Variants in CYP2C8 observed in about 807,000 individuals in gnomAD.
CYP2C8 encodes the protein cytochrome P450 family 2 subfamily C member 8.
In CYP2C8, 51 loss-of-function variants were observed where a neutral mutation model predicts 41.3. The ratio of observed to expected loss-of-function variants is 1.24; its 90% confidence interval spans 0.99 to 1.56. The LOEUF (loss-of-function observed/expected upper bound fraction) is 1.56, where lower values mean the gene tolerates loss of function less well. CYP2C8 is among the 40% of genes most tolerant of loss of function. The pLI is 0.00. For synonymous variants in CYP2C8, 218 were observed against 205.8 expected, an observed-to-expected ratio of 1.06 and a Z score of -0.51; for missense variants, 651 against 579.9, an observed-to-expected ratio of 1.12 and a Z score of -1.26.
chr10:95,058,610 A>G, intron 4 of CYP2C8, 99 bp from the exon 5 acceptor site: 1 of 1,079,830 alleles, frequency 9.3e-7, no homozygotes, highest in Non-Finnish European at 1.3e-6. Context: ...TGAATAAGAC[A>G]TCATGTCCAT....
chr10:95,057,451 C>G (rs2134427203), intron 5 of CYP2C8, among the ~76,000 whole-genome samples: 1 of 152,140 alleles, frequency 6.6e-6, no homozygotes, highest in Non-Finnish European at 1.5e-5. Context: ...CAGAAATTGA[C>G]AAGTTTATTC....
rs752350945 is a variant in CYP2C8 at position 95,067,669 on chromosome 10, A to C, written c.191T>G (p.Val64Gly). 6.2e-7 allele frequency: 1 copy of C among 1,614,184 alleles called. No individual in the cohort carries two copies. The highest frequency in any genetic ancestry group is 8.5e-7 in the Non-Finnish European group (1 of 1,180,040). ...ATTCATGCCAAAATACACGGTGAACACAGGACCATAGACTTTTGAGAACTG... is the reference window on the plus strand; with the variant it reads ...ATTCATGCCAAAATACACGGTGAACCCAGGACCATAGACTTTTGAGAACTG... Reference protein sequence around the residue: ...FTNFSKVYGPVFTVYFGMNPI... With the variant: ...FTNFSKVYGPGFTVYFGMNPI... The change falls in exon 2 of 9, where the codon GTG becomes GGG. Residue 64 changes from valine to glycine, a missense_variant. Coordinates refer to ENST00000371270, the MANE Select transcript of CYP2C8 (RefSeq NM_000770.3).
intron 3 of CYP2C8, among the ~76,000 whole-genome samples, chr10:95,066,147 A>AGTGTGT (rs1159713137): frequency 6.1e-5 from 7 of 114,264 alleles, no homozygotes; most frequent in African/African-American, 2.6e-4. Flanking sequence ...AGAGAGAGAG[A>AGTGTGT]GAGAGAGTGT....
intron 8 of CYP2C8, 41 bp from the exon 9 acceptor site, chr10:95,037,350 T>A (rs1262935333): frequency 1.1e-5 from 17 of 1,560,212 alleles, no homozygotes; most frequent in Non-Finnish European, 1.5e-5. Context: ...TCCTTGTGTT[T>A]AACTGTGACT....
chr10:95,041,081 G>A (rs2032984775), intron 7 of CYP2C8: 1 of 418,054 alleles, frequency 2.4e-6, no homozygotes, highest in African/African-American at 2.1e-5. Flanking sequence ...TATATTTAGT[G>A]AGGGATGTGA....
chr10:95,047,559 A>T (rs2134416105), intron 5 of CYP2C8, among the ~76,000 whole-genome samples: 1 of 152,326 alleles, frequency 6.6e-6, no homozygotes, highest in East Asian at 1.9e-4. Flanking sequence ...TGTAATCCAG[A>T]TAGGCAACAG....
chr10:95,060,124 C>T (rs1239898119), intron 4 of CYP2C8, among the ~76,000 whole-genome samples: 3 of 151,996 alleles, frequency 2.0e-5, no homozygotes, highest in Non-Finnish European at 2.9e-5. Context: ...CTTGACAATG[C>T]GGGCTCTTTT....
At chr10:95,038,859 C>T in intron 8 of CYP2C8, 38 bp downstream of exon 8, 1 of 1,609,510 alleles carries the variant, frequency 6.2e-7, no homozygotes, top group Non-Finnish European at 8.5e-7. Flanking sequence ...AAAGTTCTCT[C>T]TTTCCTTTAA....
intron 5 of CYP2C8, among the ~76,000 whole-genome samples, chr10:95,048,853 T>C (rs1891070): frequency 0.38 from 57,431 of 151,938 alleles, 11,235 homozygotes; most frequent in Middle Eastern, 0.51. Flanking sequence ...AATATGAGAC[T>C]TGAAATCATA....
At chr10:95,046,385 C>T (rs1319481370) in intron 5 of CYP2C8, among the ~76,000 whole-genome samples, 1 of 152,090 alleles carries the variant, frequency 6.6e-6, no homozygotes, top group Non-Finnish European at 1.5e-5. Context: ...TATTTCATTG[C>T]ATGGCAAAAA....
At chr10:95,044,243 T>G (rs890538928) in intron 6 of CYP2C8, among the ~76,000 whole-genome samples, 2 of 152,188 alleles carry the variant, frequency 1.3e-5, no homozygotes, top group Admixed American at 6.5e-5. Context: ...GGGTAAAATT[T>G]GTAGCAACCA....
chr10:95,057,583 A>C (rs2033337622), intron 5 of CYP2C8, among the ~76,000 whole-genome samples: 1 of 152,164 alleles, frequency 6.6e-6, no homozygotes, highest in Non-Finnish European at 1.5e-5. Flanking sequence ...AAGACTTCAA[A>C]ATGAGGTACT....
intron 4 of CYP2C8, among the ~76,000 whole-genome samples, chr10:95,060,142 C>T (rs575024566): frequency 6.6e-6 from 1 of 151,466 alleles, no homozygotes; most frequent in South Asian, 2.1e-4. Context: ...TTTTTGGTTC[C>T]ATATGAACTT....
intron 8 of CYP2C8, 86 bp downstream of exon 8, chr10:95,038,811 C>A: frequency 7.9e-7 from 1 of 1,273,736 alleles, no homozygotes; most frequent in Non-Finnish European, 1.1e-6. Flanking sequence ...TTCTACCAGC[C>A]CCAGAGGAGG....
rs1175152399 is a variant in CYP2C8, at chr10:95,066,147, AGAGAGAGTGT to A, written c.481+1051_481+1060del. Among the ~76,000 whole-genome samples the A allele has an allele frequency of 4.8e-3, 548 of 114,250 alleles. 2 individuals carry two copies. The highest frequency in any genetic ancestry group is 0.019 in the African/African-American group (517 of 27,460). 75.0% of individuals were successfully genotyped at this position (114,250 alleles called of 152,430 possible). ...GAGAGAGAGAGAGAGAGAGAGAGAG[AGAGAGAGTGT>A]GTGTGTGTGTGTGTGTGTGTGTGTG... On this transcript the variant is annotated intron_variant, in intron 3 of 8. Transcript: ENST00000371270.
chr10:95,066,153 A>AGAGTGT (rs1342809282), intron 3 of CYP2C8, among the ~76,000 whole-genome samples: 1,595 of 88,230 alleles, frequency 0.018, 17 homozygotes, highest in Non-Finnish European at 0.022. Flanking sequence ...AGAGAGAGAG[A>AGAGTGT]GTGTGTGTGT....
At chr10:95,063,298 T>C (rs947411304) in intron 4 of CYP2C8, among the ~76,000 whole-genome samples, 5 of 152,230 alleles carry the variant, frequency 3.3e-5, no homozygotes, top group Admixed American at 2.6e-4. Flanking sequence ...GATTTGGTCT[T>C]TTCACATAGT....
rs11572079 is a variant in CYP2C8, at chr10:95,067,361, A to G, written c.332-4T>C. The G allele has an allele frequency of 9.4e-3, 15,055 of 1,596,730 alleles. 105 individuals carry two copies. The highest frequency in any genetic ancestry group is 1.0e-2 in the Non-Finnish European group (11,743 of 1,175,978). On this transcript the variant is annotated splice_region_variant and splice_polypyrimidine_tract_variant and intron_variant, in intron 2 of 8. Coordinates refer to ENST00000371270, the MANE Select transcript of CYP2C8 (RefSeq NM_000770.3). ...TTTCCATTGCTGGAAATGATTCCTA[A>G]TAAAAAAAGGGGCAGAAACTGGGAG...
chr10:95,040,841 T>C (rs2032979493), intron 7 of CYP2C8: 2 of 450,164 alleles, frequency 4.4e-6, no homozygotes, highest in African/African-American at 4.0e-5. Context: ...ATTTCAAGGA[T>C]ACAACTAAGC....
Sources: gnomAD v4.1 joint callset for allele counts (sites outside exome capture counted in the v4.1 genomes callset) on GRCh38, gnomAD v4.1.1 for gene constraint, MANE v1.5 for transcripts, NCBI Gene and HGNC (gene_info 2026-07-23, HGNC 2026-07-21) for gene names.